The following CBFA2T3 variants were observed in gnomAD, a reference collection of about 807,000 sequenced individuals.
The protein encoded by CBFA2T3 is transcriptional corepressor CBFA2T3.
CBFA2T3 carries 31 observed loss-of-function variants against 58.6 expected under a neutral mutation model. That is an observed-to-expected ratio of 0.53 (90% CI 0.40 to 0.71). The LOEUF (loss-of-function observed/expected upper bound fraction) is 0.71. CBFA2T3 is among the 30% of genes least tolerant of loss of function. The pLI, the probability that CBFA2T3 is intolerant of heterozygous loss-of-function variation, is 0.00. For synonymous variants in CBFA2T3, 531 were observed against 421.9 expected (o/e 1.26, Z -3.17); for missense variants, 1,076 against 963.1 (o/e 1.12, Z -1.55).
At chr16:88,880,991 G>A in intron 9 of CBFA2T3, 6 of 673,478 alleles carry the variant, frequency 8.9e-6, no homozygotes, top group South Asian at 8.1e-5. Flanking sequence ...TGTGGACCTT[G>A]GACTCGGCTG....
intron 3 of CBFA2T3, among the ~76,000 whole-genome samples, chr16:88,895,251 C>G (rs1969837907): frequency 6.6e-6 from 1 of 152,224 alleles, no homozygotes; most frequent in South Asian, 2.1e-4. Flanking sequence ...GTCAGGCCCT[C>G]TCTAAGTGTC....
At chr16:88,951,398 G>A in intron 1 of CBFA2T3, 1 of 451,416 alleles carries the variant, frequency 2.2e-6, no homozygotes, top group Non-Finnish European at 4.5e-6. Context: ...AATTCTTTGA[G>A]AGGTATCATT....
intron 1 of CBFA2T3, among the ~76,000 whole-genome samples, chr16:88,963,235 G>GGCCAGGAGTGGGCGCTCATCTTCT (rs1972412094): frequency 2.0e-5 from 2 of 100,508 alleles, no homozygotes; most frequent in African/African-American, 8.1e-5. Context: ...AGTGGGGGAA[G>GGCCAGGAGTGGGCGCTCATCTTCT]GCCAGGGGTG....
rs1290108871 is a variant in CBFA2T3 at position 88,915,582 on chromosome 16, CG to C, written c.152-13927del. On this transcript the variant is annotated intron_variant, in intron 1 of 11. Coordinates refer to ENST00000268679, the MANE Select transcript of CBFA2T3 (RefSeq NM_005187.6). ...GGGAGAGTGGACGGGGGAGCGTGGACGGGGGGAGCGTGGAGGGGGGAGCGTA... is the reference window on the plus strand; with the variant it reads ...GGGAGAGTGGACGGGGGAGCGTGGACGGGGGAGCGTGGAGGGGGGAGCGTA... Among the ~76,000 whole-genome samples, 18 of 5,308 alleles carry C rather than the reference CG, an allele frequency of 3.4e-3. 1 individual carries two copies. Among genetic ancestry groups the C allele is most frequent in the South Asian group, 0.016 (2 of 124 alleles). The allele number at this position is 5,308 out of a possible 152,430, so 3.5% of individuals were successfully genotyped here. A position where few individuals can be genotyped will look rare whatever the true frequency, so the allele number is the denominator to read the frequency against.
chr16:88,891,771 G>A (rs1969640291), intron 5 of CBFA2T3, 111 bp downstream of exon 5: 1 of 721,572 alleles, frequency 1.4e-6, no homozygotes, highest in South Asian at 1.6e-5. Flanking sequence ...CTGCCTATCT[G>A]GCCACTTAAG....
intron 2 of CBFA2T3, 67 bp downstream of exon 2, chr16:88,901,437 A>C: frequency 1.2e-6 from 1 of 806,348 alleles, no homozygotes; most frequent in Non-Finnish European, 1.9e-6. Flanking sequence ...GAAGCTCAGA[A>C]TTTCAAACAA....
At chr16:88,976,442 G>T (rs1465960170) in intron 1 of CBFA2T3, among the ~76,000 whole-genome samples, 1 of 152,172 alleles carries the variant, frequency 6.6e-6, no homozygotes, top group Non-Finnish European at 1.5e-5. Context: ...CACCTGGCTG[G>T]CACCTGCCAA....
At chr16:88,891,720 C>G (rs916434615) in intron 5 of CBFA2T3, among the ~76,000 whole-genome samples, 162 bp downstream of exon 5, 1 of 152,012 alleles carries the variant, frequency 6.6e-6, no homozygotes, top group African/African-American at 2.4e-5. Flanking sequence ...CCACAGGGTC[C>G]CAGGTTGGCC....
chr16:88,962,352 T>G (rs1972386165), intron 1 of CBFA2T3, among the ~76,000 whole-genome samples: 1 of 152,272 alleles, frequency 6.6e-6, no homozygotes, highest in African/African-American at 2.4e-5. Context: ...AATGGATATT[T>G]ATTTTCCACA....
chr16:88,969,966 G>C (rs992629232), intron 1 of CBFA2T3, among the ~76,000 whole-genome samples: 11 of 152,302 alleles, frequency 7.2e-5, no homozygotes, highest in Middle Eastern at 6.8e-3. Context: ...TTCTCAGGAG[G>C]GCATGCCTTC....
chr16:88,882,307 C>G (rs79358077), intron 8 of CBFA2T3, among the ~76,000 whole-genome samples: 2,290 of 152,120 alleles, frequency 0.015, 49 homozygotes, highest in African/African-American at 0.052. Context: ...TGTGTGGGGA[C>G]ATGGCTGTGT....
intron 5 of CBFA2T3, among the ~76,000 whole-genome samples, chr16:88,887,970 C>T (rs965347914): frequency 5.9e-5 from 9 of 152,176 alleles, no homozygotes; most frequent in South Asian, 2.1e-4. Flanking sequence ...CCTCCCTGAC[C>T]GTGGGCTCTG....
Position 88,885,399 on chromosome 16 carries a change from C to G in CBFA2T3, c.894-130G>C. 3.4e-6 allele frequency: 2 copies of G among 584,044 alleles called. No individual in the cohort carries two copies. Among genetic ancestry groups the G allele is most frequent in the Non-Finnish European group, 5.6e-6 (2 of 360,342 alleles). The allele number at this position is 584,044 out of a possible 1,614,324, so 36.2% of individuals were successfully genotyped here. ...GACACGTAAGGGCGAGACAGAAACA[C>G]GGAGCAAAACACCAGCCCCGGGAAG... is the stretch of plus-strand genomic sequence containing the variant. On this transcript the variant is annotated intron_variant, in intron 6 of 11. Transcript: ENST00000268679. This position sits in a 1 kb window ranked among gnomAD's most constrained non-coding sequence, Gnocchi z 5.3.
chr16:88,908,763 CA>C (rs1424668607), intron 1 of CBFA2T3, among the ~76,000 whole-genome samples: 4 of 152,266 alleles, frequency 2.6e-5, no homozygotes, highest in Admixed American at 2.6e-4. Context: ...TGACCCCTCA[CA>C]AAAGCCTTGG....
At chr16:88,930,332 C>T (rs1219863693) in intron 1 of CBFA2T3, among the ~76,000 whole-genome samples, 1 of 150,568 alleles carries the variant, frequency 6.6e-6, no homozygotes, top group African/African-American at 2.5e-5. Flanking sequence ...CTACCAATAC[C>T]CACAGCTGCA....
At chr16:88,897,481 G>A (rs1482169146) in intron 3 of CBFA2T3, among the ~76,000 whole-genome samples, 5 of 152,220 alleles carry the variant, frequency 3.3e-5, no homozygotes, top group Non-Finnish European at 4.4e-5. Flanking sequence ...CTCCCTGAAC[G>A]CCCGCCATGG....
At chr16:88,899,412 C>T (rs796170392) in intron 2 of CBFA2T3, among the ~76,000 whole-genome samples, 2 of 152,314 alleles carry the variant, frequency 1.3e-5, no homozygotes, top group Non-Finnish European at 2.9e-5. Context: ...ACTGAAGCAT[C>T]GGCTTAGAAA....
intron 1 of CBFA2T3, among the ~76,000 whole-genome samples, chr16:88,961,534 G>A (rs527264801): frequency 7.0e-5 from 10 of 142,744 alleles, no homozygotes; most frequent in Admixed American, 4.9e-4. Context: ...CATAGTAACC[G>A]ACCCTCAGCA....
At chr16:88,912,177 G>A (rs1032689254) in intron 1 of CBFA2T3, among the ~76,000 whole-genome samples, 3 of 152,282 alleles carry the variant, frequency 2.0e-5, no homozygotes, top group Admixed American at 2.0e-4. Flanking sequence ...GTGGCTCCAG[G>A]CGGACCTGGC....
Sources: allele counts gnomAD v4.1 joint callset (sites outside exome capture counted in the v4.1 genomes callset), GRCh38; gene constraint gnomAD v4.1.1; non-coding constraint Gnocchi (gnomAD v3.1); transcripts MANE v1.5; gene names NCBI Gene and HGNC (gene_info 2026-07-23, HGNC 2026-07-21).